Variants in ARID1B observed in about 807,000 individuals in gnomAD.
ARID1B encodes the protein AT-rich interactive domain-containing protein 1B.
In ARID1B, 30 loss-of-function variants were observed where a neutral mutation model predicts 212.3. That is an observed-to-expected ratio of 0.14 (90% CI 0.11 to 0.19). The LOEUF (loss-of-function observed/expected upper bound fraction) is 0.19. ARID1B is among the 10% of genes least tolerant of loss of function. The pLI, the probability that ARID1B is intolerant of heterozygous loss-of-function variation, is 1.00. For synonymous variants in ARID1B, 1,402 were observed against 1,301.7 expected, an observed-to-expected ratio of 1.08 and a Z score of -1.66; for missense variants, 2,891 against 3,204.0, an observed-to-expected ratio of 0.90 and a Z score of 2.36.
chr6:157,154,125 A>G (rs1031960063), intron 8 of ARID1B, among the ~76,000 whole-genome samples: 1 of 152,182 alleles, frequency 6.6e-6, no homozygotes, highest in African/African-American at 2.4e-5. Flanking sequence ...GGATTTGGAA[A>G]TTTCAGCATT....
intron 4 of ARID1B, among the ~76,000 whole-genome samples, chr6:157,039,674 C>CTTCTTTCT (rs1166401045): frequency 9.9e-4 from 76 of 76,982 alleles, no homozygotes; most frequent in African/African-American, 3.9e-3. Flanking sequence ...TCCTTCCTTC[C>CTTCTTTCT]TTCCTTCCTT....
intron 1 of ARID1B, among the ~76,000 whole-genome samples, chr6:156,825,527 A>G (rs966493130): frequency 2.6e-5 from 4 of 152,384 alleles, no homozygotes; most frequent in Admixed American, 1.3e-4. Context: ...GACAGATAAT[A>G]CAAAACAATT....
At chr6:156,839,639 AGT>A (rs1263293943) in intron 2 of ARID1B, among the ~76,000 whole-genome samples, 6 of 152,194 alleles carry the variant, frequency 3.9e-5, no homozygotes, top group Non-Finnish European at 5.9e-5. Flanking sequence ...GGATGGGAAG[AGT>A]GATAACTTAG....
At chr6:157,150,682 A>C (rs1790131937) in intron 8 of ARID1B, 1 of 174,154 alleles carries the variant, frequency 5.7e-6, no homozygotes, top group Admixed American at 6.4e-5. Flanking sequence ...ATGCTTGTGC[A>C]TCAGAACAAA....
At chr6:157,029,377 T>C (rs936321218) in intron 4 of ARID1B, among the ~76,000 whole-genome samples, 12 of 152,376 alleles carry the variant, frequency 7.9e-5, no homozygotes, top group African/African-American at 2.9e-4. Flanking sequence ...TATATTTTTA[T>C]TGTTTTGTTA....
intron 2 of ARID1B, 22 bp downstream of exon 2, chr6:156,829,443 C>G (rs367657016): frequency 6.3e-7 from 1 of 1,599,652 alleles, no homozygotes; most frequent in Non-Finnish European, 8.5e-7. Context: ...TCCCCCGACC[C>G]GCTGCTTTTT....
intron 4 of ARID1B, among the ~76,000 whole-genome samples, chr6:157,063,789 T>C (rs1783503599): frequency 6.6e-6 from 1 of 152,218 alleles, no homozygotes; most frequent in Non-Finnish European, 1.5e-5. Context: ...TAGTTTTTCA[T>C]GACTTATCAC....
intron 4 of ARID1B, chr6:157,071,907 T>C (rs1784027444): frequency 2.0e-5 from 3 of 152,276 alleles, no homozygotes; most frequent in South Asian, 4.2e-4. Context: ...ACTTTTGCTT[T>C]TTCCCACTTA....
intron 5 of ARID1B, among the ~76,000 whole-genome samples, chr6:157,101,530 A>G (rs557273426): frequency 3.3e-5 from 5 of 152,314 alleles, no homozygotes; most frequent in Admixed American, 6.5e-5. Flanking sequence ...AAATTATCCA[A>G]ATTTCCATGG....
At chr6:156,940,318 C>T (rs1477277763) in intron 4 of ARID1B, 2 of 152,170 alleles carry the variant, frequency 1.3e-5, no homozygotes, top group Non-Finnish European at 2.9e-5. Flanking sequence ...TAGGAAATAT[C>T]TAAAGAGGTT....
chr6:157,012,606 C>G (rs1425117766), intron 4 of ARID1B, among the ~76,000 whole-genome samples: 6 of 152,164 alleles, frequency 3.9e-5, no homozygotes, highest in African/African-American at 1.2e-4. Context: ...TACTGTAGTA[C>G]AAAGAGTAAC....
chr6:156,923,869 A>G (rs573613512), intron 3 of ARID1B, among the ~76,000 whole-genome samples: 13 of 151,856 alleles, frequency 8.6e-5, no homozygotes, highest in Non-Finnish European at 1.8e-4. Context: ...CACCATGCCC[A>G]GCTAATTTTT....
intron 7 of ARID1B, among the ~76,000 whole-genome samples, chr6:157,136,564 T>C (rs1198032650): frequency 6.6e-6 from 1 of 151,992 alleles, no homozygotes. Flanking sequence ...TGGAAACATA[T>C]ATATAAAAAA....
chr6:157,144,749 C>T (rs1468013744), intron 7 of ARID1B, among the ~76,000 whole-genome samples: 3 of 152,276 alleles, frequency 2.0e-5, no homozygotes, highest in Admixed American at 6.5e-5. Context: ...GTGCCTTTTC[C>T]GCCGAGACTG....
intron 1 of ARID1B, among the ~76,000 whole-genome samples, chr6:156,784,301 G>A (rs890709964): frequency 5.3e-5 from 8 of 152,194 alleles, no homozygotes; most frequent in African/African-American, 1.2e-4. Flanking sequence ...TGTCGTGTCC[G>A]GGAGAGGCAC....
chr6:157,052,188 T>TTA lies in ARID1B; in HGVS notation c.2248-32464_2248-32463dup, dbSNP rs138307068. Among the ~76,000 whole-genome samples, 1,168 of 152,232 alleles carry TTA rather than the reference T, an allele frequency of 7.7e-3. 18 individuals carry two copies. Among genetic ancestry groups the TTA allele is most frequent in the African/African-American group, 0.026 (1,081 of 41,530 alleles). ...ATAAAGGTTGGATAACAGAGGTTAT[T>TTA]TATATATATATGTAGTAAAATGAAG... On this transcript the variant is annotated intron_variant, in intron 4 of 19. Transcript: ENST00000636930.
intron 1 of ARID1B, among the ~76,000 whole-genome samples, chr6:156,792,927 C>A (rs190306087): frequency 6.6e-6 from 1 of 151,996 alleles, no homozygotes; most frequent in East Asian, 1.9e-4. Flanking sequence ...TCCTTTTATC[C>A]GAGGATGACT....
In ARID1B at chr6:157,207,402, T is replaced by C; in HGVS notation, c.6630T>C (p.Cys2210=). 1 of 1,614,198 alleles carries C rather than the reference T, an allele frequency of 6.2e-7. No homozygotes were observed. The highest frequency in any genetic ancestry group is 1.3e-5 in the African/African-American group (1 of 75,050). The change falls in exon 20 of 20, where the codon TGT becomes TGC. Residue 2210 remains cysteine (C), a synonymous_variant. Transcript: ENST00000636930. The surrounding 1 kb of genome is among the most constrained non-coding windows in gnomAD (Gnocchi z 8.5). ...SPQRLVLETL[C]KLSIQDNNVD... is the part of the protein sequence containing the mutation. ...AGAGACTTGTGCTGGAGACCCTCTGTAAACTCAGTATCCAGGACAATAATG... is the reference window on the plus strand; with the variant it reads ...AGAGACTTGTGCTGGAGACCCTCTGCAAACTCAGTATCCAGGACAATAATG...
chr6:157,016,639 G>A (rs1779938319), intron 4 of ARID1B, among the ~76,000 whole-genome samples: 1 of 152,244 alleles, frequency 6.6e-6, no homozygotes, highest in Non-Finnish European at 1.5e-5. Context: ...TTGTGGGTGT[G>A]TGAGTGGCCC....
Sources: allele counts gnomAD v4.1 joint callset (sites outside exome capture counted in the v4.1 genomes callset), GRCh38; gene constraint gnomAD v4.1.1; non-coding constraint Gnocchi (gnomAD v3.1); transcripts MANE v1.5; gene names NCBI Gene and HGNC (gene_info 2026-07-23, HGNC 2026-07-21).